The following ABCA13 variants were observed in gnomAD, a reference collection of about 807,000 sequenced individuals.
ABCA13 encodes the protein ATP-binding cassette sub-family A member 13.
Under a neutral mutation model 478.7 loss-of-function variants are expected in ABCA13, and 476 were observed. The observed-to-expected ratio is 0.99, with a 90% CI of 0.92 to 1.07. The LOEUF (loss-of-function observed/expected upper bound fraction) is 1.07, where lower values mean the gene tolerates loss of function less well. ABCA13 is among the 50% of genes least tolerant of loss of function. ABCA13 has a pLI of 0.00. For missense variants in ABCA13, 6,060 were observed against 5,910.6 expected (o/e 1.03, Z -0.83); for synonymous variants, 2,252 against 2,158.9 (o/e 1.04, Z -1.20).
At chr7:48,184,735 G>A (rs1227904290) in intron 1 of ABCA13, among the ~76,000 whole-genome samples, 1 of 152,174 alleles carries the variant, frequency 6.6e-6, no homozygotes, top group Non-Finnish European at 1.5e-5. Context: ...CAGAAGAATT[G>A]CTTGAATCTG....
At position 48,368,720 on chromosome 7, in the gene ABCA13, T is replaced by C. The variant is rs867988474; in HGVS notation, c.10803+812T>C. On this transcript the variant is annotated intron_variant, in intron 32 of 61. Coordinates refer to ENST00000435803, the MANE Select transcript of ABCA13 (RefSeq NM_152701.5). ...ATATATATATATATATATATACACA[T>C]ACACACACACATTTATATATATACA... is the stretch of plus-strand genomic sequence containing the variant. Among the ~76,000 whole-genome samples, 213 of 126,894 alleles carry C rather than the reference T, an allele frequency of 1.7e-3. 1 individual carries two copies. The highest frequency in any genetic ancestry group is 5.0e-3 in the African/African-American group (180 of 35,766). The allele number at this position is 126,894 out of a possible 152,430, so 83.2% of individuals were successfully genotyped here.
chr7:48,269,098 A>G lies in ABCA13; in HGVS notation c.2120+4A>G. On this transcript the variant is annotated splice_donor_region_variant and intron_variant, in intron 16 of 61. Transcript: ENST00000435803. ...CTCCAACAGCTTCCATATCCAGGTA[A>G]GTTATCAGAATCCAACTTCTAGGTC... The G allele has an allele frequency of 6.8e-7, 1 of 1,478,170 alleles. No individual in the cohort carries two copies. The highest frequency in any genetic ancestry group is 9.4e-7 in the Non-Finnish European group (1 of 1,060,708). 91.6% of individuals were successfully genotyped at this position (1,478,170 alleles called of 1,614,324 possible).
At chr7:48,557,931 T>G (rs1276581492) in intron 55 of ABCA13, among the ~76,000 whole-genome samples, 1 of 152,170 alleles carries the variant, frequency 6.6e-6, no homozygotes, top group Non-Finnish European at 1.5e-5. Flanking sequence ...TCAATAACTC[T>G]TAGATTTGCC....
At chr7:48,627,295 CA>C (rs10713995) in intron 59 of ABCA13, among the ~76,000 whole-genome samples, 35,711 of 152,016 alleles carry the variant, frequency 0.23, 4,961 homozygotes, top group Middle Eastern at 0.36. Flanking sequence ...TAGTCTCAAC[CA>C]ACCTTATGTA....
chr7:48,612,312 C>T (rs1792105217), intron 58 of ABCA13: 1 of 152,200 alleles, frequency 6.6e-6, no homozygotes, highest in South Asian at 2.1e-4. Context: ...ATATCTTGAT[C>T]TGAATGCCCA....
intron 45 of ABCA13, among the ~76,000 whole-genome samples, chr7:48,478,307 A>ATATATG (rs1828373973): frequency 7.0e-6 from 1 of 143,768 alleles, no homozygotes; most frequent in Admixed American, 7.2e-5. Context: ...ATATATATAT[A>ATATATG]TATAATCACA....
chr7:48,178,202 CT>C (rs1433867714), intron 1 of ABCA13, among the ~76,000 whole-genome samples: 4 of 151,992 alleles, frequency 2.6e-5, no homozygotes, highest in Admixed American at 6.5e-5. Context: ...TCTCAAAGCA[CT>C]AGTGATTAAA....
rs117336604 is a variant in ABCA13, at chr7:48,263,588, G to T, written c.2006-5392G>T. On this transcript the variant is annotated intron_variant, in intron 15 of 61. Coordinates refer to ENST00000435803, the MANE Select transcript of ABCA13 (RefSeq NM_152701.5). Reference sequence around the variant, plus strand: ...TTAAATAAAATGATGTTTCTAAAATGCTTAGCACAGTATCGTAGGCACATG... The same window carrying T: ...TTAAATAAAATGATGTTTCTAAAATTCTTAGCACAGTATCGTAGGCACATG... 1.6e-3 allele frequency among the ~76,000 whole-genome samples: 242 copies of T among 151,940 alleles called. 4 individuals are homozygous for T. In the East Asian group the frequency reaches 0.025, roughly 16 times the overall value.
At position 48,274,611 on chromosome 7, in the gene ABCA13, A is replaced by T; in HGVS notation, c.4945A>T (p.Thr1649Ser). 1 of 1,613,970 alleles carries T rather than the reference A, an allele frequency of 6.2e-7. No individual in the cohort carries two copies. The highest frequency in any genetic ancestry group is 8.5e-7 in the Non-Finnish European group (1 of 1,179,844). ...CTCCTTAATGCCTGTAGTTCATCAC[A>T]CTAGTCCACAAAATGCAGGTTATAT... ...FNSLMPVVHH[T>S]SPQNAGYMQA... The change falls in exon 17 of 62, where the codon ACT becomes TCT. Residue 1649 changes from threonine to serine, a missense_variant. This residue lies in a region of ABCA13 where 4,423 missense variants were observed against 4,309.1 expected (regional missense o/e 1.03). Coordinates refer to ENST00000435803, the MANE Select transcript of ABCA13 (RefSeq NM_152701.5).
rs565590173 is a variant in ABCA13, at chr7:48,453,257, T to C, written c.12566-1780T>C. On this transcript the variant is annotated intron_variant, in intron 42 of 61. Coordinates refer to ENST00000435803, the MANE Select transcript of ABCA13 (RefSeq NM_152701.5). ...GGGATTTTTTTTTTTTTTTCTGAGA[T>C]AGGGCCTGGCAACCAGCATTTAAAA... Among the ~76,000 whole-genome samples, 11 of 151,004 alleles carry C rather than the reference T, an allele frequency of 7.3e-5. No homozygotes were observed. In the East Asian group the frequency reaches 9.8e-4, roughly 13 times the overall value.
chr7:48,599,176 T>G (rs1790609614), intron 58 of ABCA13, among the ~76,000 whole-genome samples: 1 of 152,046 alleles, frequency 6.6e-6, no homozygotes, highest in Non-Finnish European at 1.5e-5. Flanking sequence ...TCAATTTCTC[T>G]TGTGATTACT....
At chr7:48,264,621 TG>T (rs1794636577) in intron 15 of ABCA13, among the ~76,000 whole-genome samples, 1 of 151,818 alleles carries the variant, frequency 6.6e-6, no homozygotes, top group Non-Finnish European at 1.5e-5. Flanking sequence ...CTTTTTAAAT[TG>T]GGTTATTTGT....
intron 3 of ABCA13, among the ~76,000 whole-genome samples, chr7:48,211,319 G>A (rs1236772320): frequency 6.6e-6 from 1 of 152,216 alleles, no homozygotes; most frequent in Non-Finnish European, 1.5e-5. Context: ...CACTGCAGCT[G>A]TTTCAGCACT....
intron 7 of ABCA13, among the ~76,000 whole-genome samples, chr7:48,231,409 C>T (rs918679820): frequency 6.6e-6 from 1 of 152,060 alleles, no homozygotes; most frequent in African/African-American, 2.4e-5. Context: ...CTTGGGCTTG[C>T]TGAGAGCTGT....
chr7:48,295,889 C>T (rs1799291093), intron 21 of ABCA13, 26 bp downstream of exon 21: 1 of 1,569,916 alleles, frequency 6.4e-7, no homozygotes, highest in South Asian at 1.2e-5. Context: ...CTTTCATGCC[C>T]TCCCCAGTAC....
At chr7:48,495,354 G>A (rs1265462922) in intron 48 of ABCA13, among the ~76,000 whole-genome samples, 2 of 151,984 alleles carry the variant, frequency 1.3e-5, no homozygotes, top group Admixed American at 1.3e-4. Flanking sequence ...TTTTCCTGTG[G>A]TCTTTCTGTT....
intron 57 of ABCA13, among the ~76,000 whole-genome samples, chr7:48,588,443 C>T (rs113673893): frequency 0.011 from 1,739 of 152,314 alleles, 28 homozygotes; most frequent in African/African-American, 0.039. Flanking sequence ...TGCTCTGTAG[C>T]CATGACCTGC....
At chr7:48,442,254 T>C (rs1823713951) in intron 42 of ABCA13, among the ~76,000 whole-genome samples, 1 of 143,780 alleles carries the variant, frequency 7.0e-6, no homozygotes, top group African/African-American at 2.6e-5. Flanking sequence ...TGTAGTTGTA[T>C]TGGCAGCTTG....
chr7:48,240,912 A>G lies in ABCA13; in HGVS notation c.1108A>G (p.Thr370Ala), dbSNP rs572167101. The change falls in exon 10 of 62, where the codon ACA becomes GCA. Residue 370 changes from threonine (T) to alanine (A), a missense_variant. Physicochemically the swap from Thr to Ala is moderately conservative, Grantham distance 58. Coordinates refer to ENST00000435803, the MANE Select transcript of ABCA13 (RefSeq NM_152701.5). ...GGGTAGCCTGCTTCAGAAGACACTC[A>G]CAGGCATGGGCCATAGTCTGGAGGC... ...QQGSLLQKTLTGMGHSLEALR... is the reference protein window; with the variant it reads ...QQGSLLQKTLAGMGHSLEALR... 8 of 1,603,506 alleles carry G rather than the reference A, an allele frequency of 5.0e-6. No individual in the cohort carries two copies. The East Asian group carries it at 1.3e-4, about 27-fold the overall frequency.
Sources: gnomAD v4.1 joint callset for allele counts (sites outside exome capture counted in the v4.1 genomes callset) on GRCh38, gnomAD v4.1.1 for gene constraint, gnomAD v4.1.1 regional missense constraint, MANE v1.5 for transcripts, NCBI Gene and HGNC (gene_info 2026-07-23, HGNC 2026-07-21) for gene names.